The following TENM3 variants were observed in gnomAD, a reference collection of about 807,000 sequenced individuals.
TENM3 encodes teneurin-3.
TENM3 carries 63 observed loss-of-function variants against 255.1 expected under a neutral mutation model. The observed-to-expected ratio is 0.25, with a 90% confidence interval of 0.20 to 0.30. The LOEUF is 0.30. TENM3 is among the 10% of genes least tolerant of loss of function. The pLI, the probability that TENM3 is intolerant of heterozygous loss-of-function variation, is 1.00. For missense variants in TENM3, 2,929 were observed against 3,461.1 expected, an observed-to-expected ratio of 0.85 and a Z score of 3.86; for synonymous variants, 1,306 against 1,322.3, an observed-to-expected ratio of 0.99 and a Z score of 0.27.
At chr4:182,040,083 GGAGGGGAGAA>G in the TENM3 span, among the ~76,000 whole-genome samples, 9 of 606 alleles carry the variant, frequency 0.015, no homozygotes, top group South Asian at 0.083. Context: ...GCAGGGGAGG[GGAGGGGAGAA>G]GAGGGCAGGG....
intron 12 of TENM3, 96 bp downstream of exon 12, chr4:182,688,447 G>C: frequency 1.0e-6 from 1 of 990,558 alleles, no homozygotes; most frequent in Non-Finnish European, 1.4e-6. Context: ...ATTTCTTTAC[G>C]TTATTTTTTA....
chr4:182,699,223 A>G (rs1390797466), intron 12 of TENM3, among the ~76,000 whole-genome samples: 1 of 152,216 alleles, frequency 6.6e-6, no homozygotes. Flanking sequence ...GCCCACTGGC[A>G]TTAGAAGCAG....
chr4:181,543,038 G>A, the TENM3 span, among the ~76,000 whole-genome samples: 1 of 152,246 alleles, frequency 6.6e-6, no homozygotes, highest in African/African-American at 2.4e-5. Context: ...ATCCATTTGA[G>A]CAAGGATGAA....
chr4:181,517,693 G>A, the TENM3 span, among the ~76,000 whole-genome samples: 2 of 152,144 alleles, frequency 1.3e-5, no homozygotes, highest in Non-Finnish European at 2.9e-5. Context: ...TAGTGCTGAT[G>A]TCTGAACCAC....
intron 26 of TENM3, 22 bp from the exon 27 acceptor site, chr4:182,796,615 A>C: frequency 1.3e-6 from 2 of 1,583,218 alleles, no homozygotes; most frequent in Non-Finnish European, 1.7e-6. Context: ...AACACCTTTC[A>C]TTCTGAACAT....
At chr4:181,647,589 A>G in the TENM3 span, among the ~76,000 whole-genome samples, 5 of 152,300 alleles carry the variant, frequency 3.3e-5, no homozygotes, top group Non-Finnish European at 5.9e-5. Context: ...GCCGCAAGAT[A>G]AAACAACAAA....
At chr4:182,434,392 A>G (rs902082296) in intron 3 of TENM3, among the ~76,000 whole-genome samples, 1 of 152,274 alleles carries the variant, frequency 6.6e-6, no homozygotes, top group Admixed American at 6.5e-5. Flanking sequence ...GCTGGGTGCC[A>G]TGGCTCACAC....
the TENM3 span, among the ~76,000 whole-genome samples, chr4:181,795,162 T>C: frequency 7.2e-5 from 11 of 152,306 alleles, no homozygotes; most frequent in Admixed American, 1.3e-4. Flanking sequence ...TCTTTTGTCT[T>C]GGTCAGTTCA....
intron 12 of TENM3, among the ~76,000 whole-genome samples, chr4:182,692,082 TAAG>T (rs1399888418): frequency 6.6e-6 from 1 of 152,218 alleles, no homozygotes; most frequent in Admixed American, 6.5e-5. Context: ...GTTGACATAA[TAAG>T]AATATTATCT....
At chr4:182,233,652 G>T (rs964528496) in intron 1 of TENM3, among the ~76,000 whole-genome samples, 2 of 152,166 alleles carry the variant, frequency 1.3e-5, no homozygotes, top group Non-Finnish European at 2.9e-5. Flanking sequence ...TTGACACGTG[G>T]TCACTGTTAC....
the TENM3 span, among the ~76,000 whole-genome samples, chr4:181,459,981 C>T: frequency 6.6e-6 from 1 of 151,846 alleles, no homozygotes. Flanking sequence ...CCTCTCTTCA[C>T]TTTTCTTCAT....
the TENM3 span, among the ~76,000 whole-genome samples, chr4:181,588,049 G>A: frequency 6.6e-6 from 1 of 152,128 alleles, no homozygotes; most frequent in Non-Finnish European, 1.5e-5. Flanking sequence ...ACCTGGTCAC[G>A]GGAAAGCAGG....
At chr4:181,843,033 A>G in the TENM3 span, among the ~76,000 whole-genome samples, 2 of 152,202 alleles carry the variant, frequency 1.3e-5, no homozygotes, top group East Asian at 1.9e-4. Flanking sequence ...TTTAGGGACT[A>G]TATTAGGTGA....
chr4:182,159,466 G>C (rs1233855393), intron 1 of TENM3, among the ~76,000 whole-genome samples: 1 of 151,584 alleles, frequency 6.6e-6, no homozygotes, highest in East Asian at 1.9e-4. Context: ...GTGTGTGTGT[G>C]TGTGTGTGTG....
the TENM3 span, among the ~76,000 whole-genome samples, chr4:181,728,285 C>T: frequency 6.6e-6 from 1 of 152,070 alleles, no homozygotes; most frequent in Non-Finnish European, 1.5e-5. Context: ...TCTAGGATCT[C>T]GCACAAGAAA....
At chr4:181,878,737 A>T in the TENM3 span, among the ~76,000 whole-genome samples, 1 of 151,616 alleles carries the variant, frequency 6.6e-6, no homozygotes. Flanking sequence ...TCTATCTATC[A>T]TCTTCCCATC....
upstream of TENM3, among the ~76,000 whole-genome samples, chr4:182,240,381 A>G (rs911569753): frequency 2.0e-5 from 3 of 152,132 alleles, no homozygotes; most frequent in Non-Finnish European, 2.9e-5. Context: ...CATTCTTTAA[A>G]TATTTTCTCC....
At chr4:182,066,599 A>AAAAAAAATATAT in the TENM3 span, among the ~76,000 whole-genome samples, 4 of 137,106 alleles carry the variant, frequency 2.9e-5, no homozygotes, top group African/African-American at 1.1e-4. Context: ...GTAAAAAAAA[A>AAAAAAAATATAT]ATATATATAT....
chr4:182,773,418 C>T (rs1246879933), intron 22 of TENM3, 54 bp from the exon 23 acceptor site: 19 of 1,460,514 alleles, frequency 1.3e-5, no homozygotes, highest in African/African-American at 5.7e-5. Flanking sequence ...ATTTATAAGT[C>T]AGAAGAAACT....
Sources: gnomAD v4.1 joint callset for allele counts (sites outside exome capture counted in the v4.1 genomes callset) on GRCh38, gnomAD v4.1.1 for gene constraint, MANE v1.5 for transcripts, NCBI Gene and HGNC (gene_info 2026-07-23, HGNC 2026-07-21) for gene names.